Variants in CSMD1 observed in about 807,000 individuals in gnomAD.
CSMD1 encodes the protein CUB and sushi domain-containing protein 1.
CSMD1 carries 213 observed loss-of-function variants against 417.5 expected under a neutral mutation model. That is an observed-to-expected ratio of 0.51 (90% CI 0.46 to 0.57). The LOEUF is 0.57. Among genes scored for constraint, CSMD1 ranks in the 20% least tolerant of loss-of-function variants. The pLI is 0.00. For synonymous variants in CSMD1, 2,862 were observed against 1,736.8 expected, an observed-to-expected ratio of 1.65 and a Z score of -16.11; for missense variants, 6,923 against 4,529.7, an observed-to-expected ratio of 1.53 and a Z score of -15.17.
At chr8:3,279,309 C>G (rs1765894373) in intron 26 of CSMD1, 2 of 152,392 alleles carry the variant, frequency 1.3e-5, no homozygotes, top group South Asian at 4.1e-4. Context: ...CAGCAACTCC[C>G]TGGCCATCCA....
At chr8:4,908,093 T>C (rs568687442) in intron 1 of CSMD1, among the ~76,000 whole-genome samples, 77 of 152,308 alleles carry the variant, frequency 5.1e-4, no homozygotes, top group African/African-American at 1.6e-3. Flanking sequence ...ATGGAAGTCG[T>C]CTATGTCCTT....
chr8:3,284,739 C>G lies in CSMD1; in HGVS notation c.3951-393G>C, dbSNP rs116024998. 1,089 of 188,150 alleles carry G rather than the reference C, an allele frequency of 5.8e-3. 14 individuals carry two copies. Among genetic ancestry groups the G allele is most frequent in the African/African-American group, 0.024 (1,029 of 42,712 alleles). 11.7% of individuals were successfully genotyped at this position (188,150 alleles called of 1,614,324 possible). On this transcript the variant is annotated intron_variant, in intron 25 of 69. Transcript: ENST00000635120. ...AGATGGAAGGCAGCTTCGGTGCAGT[C>G]AGTGTTGTTCACGAAATGCCCCGCT...
At chr8:4,345,490 T>C (rs568070507) in intron 3 of CSMD1, among the ~76,000 whole-genome samples, 1 of 151,990 alleles carries the variant, frequency 6.6e-6, no homozygotes, top group Admixed American at 6.6e-5. Flanking sequence ...AGCTTTTATA[T>C]AGCAAAGGAA....
chr8:3,669,698 C>T (rs1038423523), intron 7 of CSMD1, among the ~76,000 whole-genome samples: 2 of 152,028 alleles, frequency 1.3e-5, no homozygotes, highest in African/African-American at 4.8e-5. Context: ...AGGCGTTATG[C>T]TAGGAACTGG....
chr8:3,453,405 G>C (rs1172730297), intron 12 of CSMD1, among the ~76,000 whole-genome samples: 2 of 151,922 alleles, frequency 1.3e-5, no homozygotes, highest in Non-Finnish European at 2.9e-5. Flanking sequence ...TGTGATGTTA[G>C]GATGTCAATT....
intron 26 of CSMD1, among the ~76,000 whole-genome samples, chr8:3,276,863 A>G (rs1187565879): frequency 5.3e-5 from 8 of 152,162 alleles, no homozygotes; most frequent in Non-Finnish European, 1.5e-5. Flanking sequence ...ATTATATGTC[A>G]TGTTCTAGGA....
rs1249480356 is a variant in CSMD1, at chr8:3,647,160, T to G, written c.1010-30363A>C. On this transcript the variant is annotated intron_variant, in intron 7 of 69. Coordinates refer to ENST00000635120, the MANE Select transcript of CSMD1 (RefSeq NM_033225.6). ...GTAAGCTTGTAGGGGTGGATGGTCC[T>G]CCGGTGCAACTCAAGTTCAAGAGGC... Among the ~76,000 whole-genome samples the G allele has an allele frequency of 2.6e-5, 4 of 152,130 alleles. No individual in the cohort carries two copies. In the East Asian group the frequency reaches 7.7e-4, roughly 29 times the overall value.
chr8:3,699,851 C>T (rs1329487109), intron 7 of CSMD1, among the ~76,000 whole-genome samples: 2 of 152,052 alleles, frequency 1.3e-5, no homozygotes, highest in Non-Finnish European at 2.9e-5. Context: ...ACACACCATC[C>T]CATAACTACA....
chr8:3,537,914 T>C (rs1050912037), intron 10 of CSMD1, among the ~76,000 whole-genome samples: 4 of 152,214 alleles, frequency 2.6e-5, no homozygotes, highest in African/African-American at 9.6e-5. Flanking sequence ...TTCTCTTGGA[T>C]AGAGAATAAT....
chr8:4,603,897 T>A (rs900586752), intron 2 of CSMD1, among the ~76,000 whole-genome samples: 3 of 152,144 alleles, frequency 2.0e-5, no homozygotes, highest in Non-Finnish European at 4.4e-5. Context: ...TTATAAGTAT[T>A]ACTCTGGGGG....
chr8:3,166,189 A>T (rs1222098087), intron 37 of CSMD1, among the ~76,000 whole-genome samples: 3 of 151,280 alleles, frequency 2.0e-5, no homozygotes, highest in East Asian at 3.9e-4. Context: ...CATGTACTTT[A>T]AAAAAAAAGA....
chr8:4,925,716 T>A (rs1010433068), intron 1 of CSMD1, among the ~76,000 whole-genome samples: 2 of 151,942 alleles, frequency 1.3e-5, no homozygotes, highest in African/African-American at 4.8e-5. Flanking sequence ...AGGGCTAATT[T>A]TTTTGTATTT....
chr8:3,950,778 A>G (rs1038377446), intron 5 of CSMD1, among the ~76,000 whole-genome samples: 1 of 152,212 alleles, frequency 6.6e-6, no homozygotes, highest in Non-Finnish European at 1.5e-5. Context: ...AACAAACAGT[A>G]CATGGTATAA....
chr8:4,057,803 T>C (rs1798773810), intron 3 of CSMD1, among the ~76,000 whole-genome samples: 1 of 152,228 alleles, frequency 6.6e-6, no homozygotes, highest in Admixed American at 6.5e-5. Flanking sequence ...CCTTTCCCCA[T>C]TGCTTGTTTT....
chr8:4,518,474 A>G (rs545753235), intron 2 of CSMD1, among the ~76,000 whole-genome samples: 16 of 152,248 alleles, frequency 1.1e-4, no homozygotes, highest in African/African-American at 3.6e-4. Flanking sequence ...AGATGAAAAC[A>G]TACCAGTAAT....
At chr8:3,010,845 G>A (rs965102290) in intron 52 of CSMD1, among the ~76,000 whole-genome samples, 8 of 150,834 alleles carry the variant, frequency 5.3e-5, no homozygotes, top group South Asian at 2.1e-4. Flanking sequence ...CCGGGTTCAC[G>A]CGATTCTCCT....
At chr8:4,355,673 G>C (rs1349886582) in intron 3 of CSMD1, among the ~76,000 whole-genome samples, 1 of 152,138 alleles carries the variant, frequency 6.6e-6, no homozygotes, top group Non-Finnish European at 1.5e-5. Context: ...AACCTCCAAA[G>C]CCTACAGAGT....
intron 40 of CSMD1, among the ~76,000 whole-genome samples, chr8:3,145,500 G>T (rs189829979): frequency 6.6e-6 from 1 of 152,098 alleles, no homozygotes; most frequent in African/African-American, 2.4e-5. Flanking sequence ...GTTTGTTACT[G>T]ATTTGGAATT....
chr8:4,889,128 A>G (rs1803941279), intron 1 of CSMD1, among the ~76,000 whole-genome samples: 1 of 152,144 alleles, frequency 6.6e-6, no homozygotes, highest in African/African-American at 2.4e-5. Context: ...AGTATCACTC[A>G]CAGTATTTTC....
Sources: gnomAD v4.1 joint callset for allele counts (sites outside exome capture counted in the v4.1 genomes callset) on GRCh38, gnomAD v4.1.1 for gene constraint, MANE v1.5 for transcripts, NCBI Gene and HGNC (gene_info 2026-07-23, HGNC 2026-07-21) for gene names.